The following DDX52 variants were observed in gnomAD, a reference collection of about 807,000 sequenced individuals.
The protein encoded by DDX52 is probable ATP-dependent RNA helicase DDX52.
In DDX52, 59 loss-of-function variants were observed where a neutral mutation model predicts 76.1. The observed-to-expected ratio is 0.78, with a 90% CI of 0.63 to 0.96. The LOEUF is 0.96. Ranked by LOEUF, DDX52 falls within the 40% of genes least tolerant of loss-of-function variation. The pLI is 0.00. For missense variants in DDX52, 707 were observed against 703.9 expected, an observed-to-expected ratio of 1.00 and a Z score of -0.05; for synonymous variants, 231 against 244.1, an observed-to-expected ratio of 0.95 and a Z score of 0.50.
intron 2 of DDX52, among the ~76,000 whole-genome samples, chr17:37,636,930 TA>T: frequency 6.6e-6 from 1 of 152,300 alleles, no homozygotes; most frequent in East Asian, 1.9e-4. Flanking sequence ...CTCATGCTTG[TA>T]ATCCCAAATA....
At chr17:37,641,736 A>C (rs537010068) in intron 2 of DDX52, among the ~76,000 whole-genome samples, 136 of 147,544 alleles carry the variant, frequency 9.2e-4, no homozygotes, top group African/African-American at 3.2e-3. Flanking sequence ...ACTCTGTCTC[A>C]AAAAAAAAAA....
At position 37,621,423 on chromosome 17, in the gene DDX52, A is replaced by G. The variant is rs867524683; in HGVS notation, c.1325T>C (p.Ile442Thr). The G allele has an allele frequency of 8.7e-6, 14 of 1,613,476 alleles. No homozygotes were observed. Among genetic ancestry groups the G allele is most frequent in the Middle Eastern group, 1.7e-4 (1 of 6,056 alleles). ...LIYEGINVDV[I>T]HAERTQQQRD... ...CTGTTGTTGTGTTCTCTCTGCATGA[A>G]TAACATCCACATTAATACCTTCATA... Residue 442 changes from isoleucine (I) to threonine (T), a missense_variant, in exon 10 of 15, where the codon ATT (isoleucine) becomes ACT (threonine). Coordinates refer to ENST00000617633, the MANE Select transcript of DDX52 (RefSeq NM_007010.5).
intron 8 of DDX52, among the ~76,000 whole-genome samples, 171 bp from the exon 9 acceptor site, chr17:37,624,605 T>C (rs1458258343): frequency 6.6e-6 from 1 of 152,232 alleles, no homozygotes; most frequent in Admixed American, 6.5e-5. Context: ...AAATTGTTAT[T>C]TTTAAATGCT....
intron 2 of DDX52, among the ~76,000 whole-genome samples, chr17:37,638,147 A>AAGAGC (rs2031017222): frequency 6.6e-6 from 1 of 152,248 alleles, no homozygotes. Context: ...TTGACCAGTC[A>AAGAGC]AGAGCAAAGG....
At chr17:37,634,196 G>A (rs774234355) in intron 2 of DDX52, among the ~76,000 whole-genome samples, 6 of 151,528 alleles carry the variant, frequency 4.0e-5, no homozygotes, top group Admixed American at 1.3e-4. Context: ...TGATCCGCCC[G>A]CCTCGGCCTC....
At chr17:37,639,501 C>G in intron 2 of DDX52, 1 of 967,016 alleles carries the variant, frequency 1.0e-6, no homozygotes, top group South Asian at 4.1e-5. Flanking sequence ...ACTTTGGGAG[C>G]CCAAGGTGGG....
chr17:37,622,982 G>A (rs1386473130), intron 9 of DDX52, among the ~76,000 whole-genome samples: 1 of 152,176 alleles, frequency 6.6e-6, no homozygotes, highest in Non-Finnish European at 1.5e-5. Flanking sequence ...GTTAAGTTGT[G>A]CAAAGCTATA....
intron 13 of DDX52, 41 bp downstream of exon 13, chr17:37,619,718 ATGTATATAC>A: frequency 6.6e-7 from 1 of 1,515,636 alleles, no homozygotes; most frequent in Non-Finnish European, 9.0e-7. Context: ...AAAAAAAAGA[ATGTATATAC>A]AAAGAGACAG....
At chr17:37,636,121 A>AT (rs1163917631) in intron 2 of DDX52, among the ~76,000 whole-genome samples, 1 of 152,084 alleles carries the variant, frequency 6.6e-6, no homozygotes, top group East Asian at 1.9e-4. Flanking sequence ...CAATATATCA[A>AT]TTTTTTCTTT....
chr17:37,625,471 A>G (rs544472866), intron 8 of DDX52, among the ~76,000 whole-genome samples: 196 of 152,256 alleles, frequency 1.3e-3, no homozygotes, highest in Middle Eastern at 6.8e-3. Flanking sequence ...TAATTTCTTT[A>G]AACTTTTTTC....
chr17:37,623,341 C>T (rs965085982), intron 9 of DDX52, among the ~76,000 whole-genome samples: 4 of 152,080 alleles, frequency 2.6e-5, no homozygotes, highest in African/African-American at 7.3e-5. Flanking sequence ...AGGAGAATGG[C>T]GTGAACCCAG....
chr17:37,623,591 GT>G (rs1244116286), intron 9 of DDX52, among the ~76,000 whole-genome samples: 2 of 151,968 alleles, frequency 1.3e-5, no homozygotes, highest in Non-Finnish European at 2.9e-5. Context: ...CCTCTTAAGG[GT>G]TTACTCAAGC....
chr17:37,636,423 C>G (rs1255242435), intron 2 of DDX52, among the ~76,000 whole-genome samples: 1 of 152,146 alleles, frequency 6.6e-6, no homozygotes, highest in African/African-American at 2.4e-5. Context: ...TTCTGTTTCA[C>G]TGATCTATAT....
At chr17:37,618,656 T>C (rs1323406921) in intron 13 of DDX52, among the ~76,000 whole-genome samples, 1 of 152,094 alleles carries the variant, frequency 6.6e-6, no homozygotes, top group African/African-American at 2.4e-5. Context: ...TAAATTTTTT[T>C]TTGTATTTTA....
chr17:37,621,604 G>T, intron 9 of DDX52, 84 bp from the exon 10 acceptor site: 1 of 1,483,712 alleles, frequency 6.7e-7, no homozygotes, highest in Non-Finnish European at 8.9e-7. Flanking sequence ...TAGCTTTTAA[G>T]AACCCAATTC....
chr17:37,643,270 G>T, intron 1 of DDX52, 64 bp downstream of exon 1: 2 of 1,532,444 alleles, frequency 1.3e-6, no homozygotes, highest in Non-Finnish European at 8.9e-7. Flanking sequence ...CCCCAGCAGC[G>T]GGTTCATTCC....
intron 2 of DDX52, chr17:37,639,553 T>C (rs1313085497): frequency 8.3e-6 from 4 of 479,688 alleles, no homozygotes; most frequent in African/African-American, 4.2e-5. Flanking sequence ...CTGGCTAACA[T>C]GGTGAAACCC....
Position 37,642,100 on chromosome 17 carries a change from A to G in DDX52, c.286+10T>C. ...AAAGAGAAAAAACATGACAGAAATC[A>G]AACACTAACCTGAAGTCATCGTCTT... On this transcript the variant is annotated intron_variant, in intron 2 of 14. Transcript: ENST00000617633. The G allele has an allele frequency of 6.2e-7, 1 of 1,610,452 alleles. No homozygotes were observed. The highest frequency in any genetic ancestry group is 8.5e-7 in the Non-Finnish European group (1 of 1,179,352).
At chr17:37,615,267 T>C (rs953284699) in intron 14 of DDX52, among the ~76,000 whole-genome samples, 1 of 152,178 alleles carries the variant, frequency 6.6e-6, no homozygotes, top group Non-Finnish European at 1.5e-5. Flanking sequence ...TGTTAAGTAG[T>C]ATGGCCTTTA....
Sources: gnomAD v4.1 joint callset for allele counts (sites outside exome capture counted in the v4.1 genomes callset) on GRCh38, gnomAD v4.1.1 for gene constraint, MANE v1.5 for transcripts, NCBI Gene and HGNC (gene_info 2026-07-23, HGNC 2026-07-21) for gene names.